The following SF3B6 variants were observed in gnomAD, a reference collection of about 807,000 sequenced individuals.
The protein encoded by SF3B6 is SF3b 14 kDa subunit.
A neutral mutation model predicts 15.9 loss-of-function variants in SF3B6; 3 were observed. That is an observed-to-expected ratio of 0.19 (90% CI 0.09 to 0.49). SF3B6 has a LOEUF of 0.49. Ranked by LOEUF, SF3B6 falls within the 20% of genes least tolerant of loss-of-function variation. The pLI is 0.97. For missense variants in SF3B6, 71 were observed against 154.3 expected, an observed-to-expected ratio of 0.46 and a Z score of 2.86; for synonymous variants, 49 against 51.1, an observed-to-expected ratio of 0.96 and a Z score of 0.18.
intron 2 of SF3B6, 134 bp from the exon 3 acceptor site, chr2:24,068,593 T>C: frequency 5.0e-6 from 4 of 805,176 alleles, no homozygotes; most frequent in Non-Finnish European, 7.7e-6. Flanking sequence ...GTTAAGTATT[T>C]TGAAATCAAC....
At chr2:24,075,787 TA>T (rs1369837035) in intron 1 of SF3B6, among the ~76,000 whole-genome samples, 1 of 151,894 alleles carries the variant, frequency 6.6e-6, no homozygotes, top group African/African-American at 2.4e-5. Context: ...TTGTTTTAAT[TA>T]ATGTGTTAAT....
At position 24,068,576 on chromosome 2, in the gene SF3B6, G is replaced by A; in HGVS notation, c.150-117C>T. 7 of 920,966 alleles carry A rather than the reference G, an allele frequency of 7.6e-6. No individual in the cohort carries two copies. The East Asian group carries it at 1.0e-4, about 13-fold the overall frequency. 57.0% of individuals were successfully genotyped at this position (920,966 alleles called of 1,614,324 possible). On this transcript the variant is annotated intron_variant, in intron 2 of 3. Transcript: ENST00000233468. ...TTTTAAAAACAGTAAATTGAAATAC[G>A]TTTTTAGTTAAGTATTTTGAAATCA... is the stretch of plus-strand genomic sequence containing the variant.
rs1664747893 is a variant in SF3B6 at position 24,076,291 on chromosome 2, T to G, written c.-62A>C. 4 of 1,600,672 alleles carry G rather than the reference T, an allele frequency of 2.5e-6. No homozygotes were observed. Among genetic ancestry groups the G allele is most frequent in the Non-Finnish European group, 3.4e-6 (4 of 1,167,778 alleles). On this transcript the variant is annotated 5_prime_UTR_variant, in exon 1 of 4. Coordinates refer to ENST00000233468, the MANE Select transcript of SF3B6 (RefSeq NM_016047.4). Reference sequence around the variant, plus strand: ...AAATTCCTCCGGAGCTCGCTCGGCTTCGGGGGTTACACCGCGTTAGATGCA... The same window carrying G: ...AAATTCCTCCGGAGCTCGCTCGGCTGCGGGGGTTACACCGCGTTAGATGCA...
intron 3 of SF3B6, among the ~76,000 whole-genome samples, chr2:24,068,097 G>A (rs553923885): frequency 1.8e-4 from 28 of 152,284 alleles, no homozygotes; most frequent in Admixed American, 1.7e-3. Context: ...CCGAGTAGCT[G>A]GGACTACAGG....
chr2:24,074,275 C>T, intron 1 of SF3B6, 81 bp from the exon 2 acceptor site: 1 of 675,514 alleles, frequency 1.5e-6, no homozygotes, highest in Non-Finnish European at 2.5e-6. Flanking sequence ...TAATTAGGGG[C>T]ATTTTAAAAA....
rs1388991932 is a variant in SF3B6, at chr2:24,067,776, C to CTGTGT, written c.359_363dup (p.Asp122ThrfsTer16). 6.2e-7 allele frequency: 1 copy of CTGTGT among 1,613,430 alleles called. No homozygotes were observed. Among genetic ancestry groups the CTGTGT allele is most frequent in the South Asian group, 1.1e-5 (1 of 90,950 alleles). On this transcript the variant is annotated frameshift_variant, in exon 4 of 4. Coordinates refer to ENST00000233468, the MANE Select transcript of SF3B6 (RefSeq NM_016047.4). LOFTEE classifies it high-confidence loss of function. ...GTAGAAAACATTTATTTTGGTGGATCTGTGTTGATGCCATATTTCTCCTTG... is the reference window on the plus strand; with the variant it reads ...GTAGAAAACATTTATTTTGGTGGATCTGTGTTGTGTTGATGCCATATTTCTCCTTG...
At chr2:24,069,416 C>T (rs1051411728) in intron 2 of SF3B6, among the ~76,000 whole-genome samples, 2 of 152,184 alleles carry the variant, frequency 1.3e-5, no homozygotes, top group African/African-American at 4.8e-5. Flanking sequence ...TGAGGAGCAA[C>T]GCAACGCTAA....
Position 24,074,809 on chromosome 2 carries a change from AC to A in SF3B6, c.31-616del, listed in dbSNP as rs1664705672. Reference sequence around the variant, plus strand: ...GGATTGCTCCCATTGGCATAAAGATACACCTATATCACACATCTTTTAAAAA... The same window carrying A: ...GGATTGCTCCCATTGGCATAAAGATAACCTATATCACACATCTTTTAAAAA... On this transcript the variant is annotated intron_variant, in intron 1 of 3. Transcript: ENST00000233468. Among the ~76,000 whole-genome samples, 6 of 152,298 alleles carry A rather than the reference AC, an allele frequency of 3.9e-5. No homozygotes were observed. The South Asian group carries it at 1.2e-3, about 32-fold the overall frequency.
intron 1 of SF3B6, among the ~76,000 whole-genome samples, 172 bp downstream of exon 1, chr2:24,076,028 C>T (rs755683100): frequency 3.9e-5 from 6 of 152,118 alleles, no homozygotes; most frequent in Non-Finnish European, 5.9e-5. Flanking sequence ...AGAAATGTGG[C>T]TCAAGGAGCA....
Position 24,076,323 on chromosome 2 carries a change from C to A in SF3B6, c.-94G>T. 3.4e-6 allele frequency: 5 copies of A among 1,483,786 alleles called. No homozygotes were observed. Among genetic ancestry groups the A allele is most frequent in the Non-Finnish European group, 4.7e-6 (5 of 1,061,528 alleles). The allele number at this position is 1,483,786 out of a possible 1,614,324, so 91.9% of individuals were successfully genotyped here. A position where few individuals can be genotyped will look rare whatever the true frequency, so the allele number is the denominator to read the frequency against. ...TTACACCGCGTTAGATGCAGGACAT[C>A]AACATCCAGGACCCGCCGGAAGCTG... is the stretch of plus-strand genomic sequence containing the variant. On this transcript the variant is annotated 5_prime_UTR_variant, in exon 1 of 4. Transcript: ENST00000233468.
chr2:24,071,423 G>A (rs1031554055), intron 2 of SF3B6, among the ~76,000 whole-genome samples: 1 of 151,780 alleles, frequency 6.6e-6, no homozygotes, highest in Non-Finnish European at 1.5e-5. Context: ...TGGCCAACGT[G>A]GTGAAACCCC....
At chr2:24,074,012 C>A in intron 2 of SF3B6, 64 bp downstream of exon 2, 1 of 1,063,528 alleles carries the variant, frequency 9.4e-7, no homozygotes. Flanking sequence ...GCCTCATCGT[C>A]AGCTATAATT....
intron 3 of SF3B6, 54 bp downstream of exon 3, chr2:24,068,267 C>T: frequency 6.4e-7 from 1 of 1,563,890 alleles, no homozygotes; most frequent in East Asian, 2.3e-5. Context: ...CCGGCCAGTT[C>T]TACACTAATT....
In SF3B6 at chr2:24,067,895, C is replaced by T; in HGVS notation, c.289-44G>A. Reference sequence around the variant, plus strand: ...CCAAAATTAAATTACCAATCTACAGCCAAATGAATTTCATCAATAGCATTA... The same window carrying T: ...CCAAAATTAAATTACCAATCTACAGTCAAATGAATTTCATCAATAGCATTA... On this transcript the variant is annotated intron_variant, in intron 3 of 3. Transcript: ENST00000233468. The T allele has an allele frequency of 1.9e-6, 3 of 1,538,932 alleles. No individual in the cohort carries two copies. The South Asian group carries it at 3.4e-5, about 17-fold the overall frequency.
intron 1 of SF3B6, among the ~76,000 whole-genome samples, chr2:24,074,974 C>T (rs887595161): frequency 6.6e-6 from 1 of 151,676 alleles, no homozygotes; most frequent in African/African-American, 2.4e-5. Flanking sequence ...ACTAAAAATA[C>T]AAAAATTAGC....
At chr2:24,074,223 T>C in intron 1 of SF3B6, 29 bp from the exon 2 acceptor site, 1 of 1,192,634 alleles carries the variant, frequency 8.4e-7, no homozygotes, top group South Asian at 1.3e-5. Context: ...ATTGTTATTA[T>C]AATTAGGGGC....
intron 2 of SF3B6, among the ~76,000 whole-genome samples, chr2:24,072,034 G>A (rs573566403): frequency 1.3e-5 from 2 of 152,264 alleles, no homozygotes; most frequent in South Asian, 4.2e-4. Flanking sequence ...CCAGACTGGA[G>A]TGCAGTGGCA....
chr2:24,074,229 G>T, intron 1 of SF3B6, 35 bp from the exon 2 acceptor site: 1 of 1,136,472 alleles, frequency 8.8e-7, no homozygotes. Context: ...ATTATAATTA[G>T]GGGCATTCTA....
At chr2:24,076,177 T>C (rs1335234440) in intron 1 of SF3B6, 23 bp downstream of exon 1, 1 of 1,614,014 alleles carries the variant, frequency 6.2e-7, no homozygotes, top group African/African-American at 1.3e-5. Context: ...TCTCCCACCC[T>C]CCGCAGAACA....
Sources: allele counts gnomAD v4.1 joint callset (sites outside exome capture counted in the v4.1 genomes callset), GRCh38; gene constraint gnomAD v4.1.1; transcripts MANE v1.5; gene names NCBI Gene and HGNC (gene_info 2026-07-23, HGNC 2026-07-21).